HIVEP3: variants seen among roughly 807,000 people sequenced by gnomAD.
The protein encoded by HIVEP3 is HIVEP zinc finger 3.
A neutral mutation model predicts 152.8 loss-of-function variants in HIVEP3; 49 were observed. That is an observed-to-expected ratio of 0.32 (90% CI 0.26 to 0.41). The LOEUF (loss-of-function observed/expected upper bound fraction) is 0.41, where lower values mean the gene tolerates loss of function less well. Ranked by LOEUF, HIVEP3 falls within the 10% of genes least tolerant of loss-of-function variation. The probability of loss-of-function intolerance (pLI) is 1.00; values close to 1 mark genes in which losing one functional copy is unlikely to be tolerated. For missense variants in HIVEP3, 2,790 were observed against 3,103.3 expected (o/e 0.90, Z 2.40); for synonymous variants, 1,269 against 1,289.0 (o/e 0.98, Z 0.33).
intron 1 of HIVEP3, among the ~76,000 whole-genome samples, chr1:41,805,908 C>T (rs547898852): frequency 1.6e-4 from 24 of 152,246 alleles, no homozygotes; most frequent in Non-Finnish European, 2.5e-4. Flanking sequence ...CACGTGCACG[C>T]ACACACATCT....
Position 41,584,239 on chromosome 1 carries a change from G to A in HIVEP3, c.559C>T (p.Gln187Ter). ...EEAHKKERKP[Q>*]KPGKYICQYC... is the part of the protein sequence containing the mutation. ...TGGCAGATGTACTTGCCTGGCTTCT[G>A]GGGCTTCCTCTCCTTCTTGTGTGCC... The change falls in exon 4 of 9, where the codon CAG (glutamine) becomes TAG (stop). Residue 187 changes from glutamine (Q) to a stop codon, truncating the protein, a stop_gained. Transcript: ENST00000372583. LOFTEE classifies it high-confidence loss of function. The surrounding 1 kb of genome is among the most constrained non-coding windows in gnomAD (Gnocchi z 5.2). The A allele has an allele frequency of 6.2e-7, 1 of 1,613,880 alleles. No homozygotes were observed. Among genetic ancestry groups the A allele is most frequent in the Non-Finnish European group, 8.5e-7 (1 of 1,179,842 alleles).
At chr1:41,816,117 T>C (rs1651250478) in intron 1 of HIVEP3, among the ~76,000 whole-genome samples, 1 of 152,176 alleles carries the variant, frequency 6.6e-6, no homozygotes, top group Non-Finnish European at 1.5e-5. Flanking sequence ...CAGTTCAGCC[T>C]GACTCCACAA....
At position 41,513,227 on chromosome 1, in the gene HIVEP3, G is replaced by C. The variant is rs2149047141; in HGVS notation, c.5994C>G (p.Ser1998=). The C allele has an allele frequency of 6.2e-7, 1 of 1,613,760 alleles. No homozygotes were observed. The highest frequency in any genetic ancestry group is 1.7e-4 in the Middle Eastern group (1 of 6,060). The change falls in exon 8 of 9, where the codon TCC becomes TCG. Residue 1998 remains serine (S), a synonymous_variant. Coordinates refer to ENST00000372583, the MANE Select transcript of HIVEP3 (RefSeq NM_024503.5). The part of the protein sequence containing the change: ...TKNDSSPQRC[S]PAREPQASAP... ...CTGAGGCCTGTGGTTCTCGGGCCGG[G>C]GAGCATCGCTGGGGAGATGAGTCGT...
chr1:41,689,837 G>A (rs1358800801), intron 2 of HIVEP3, among the ~76,000 whole-genome samples: 1 of 152,224 alleles, frequency 6.6e-6, no homozygotes, highest in African/African-American at 2.4e-5. Flanking sequence ...ACTAGGGTGG[G>A]GGTGCTTCAG....
chr1:41,686,735 C>T (rs1359392223), intron 2 of HIVEP3, among the ~76,000 whole-genome samples: 1 of 152,130 alleles, frequency 6.6e-6, no homozygotes, highest in Admixed American at 6.5e-5. Flanking sequence ...GACCCCAGAA[C>T]CCAGGAAGCA....
At chr1:41,954,582 T>A (rs1645129431) in intron 1 of HIVEP3, among the ~76,000 whole-genome samples, 2 of 152,240 alleles carry the variant, frequency 1.3e-5, no homozygotes, top group Non-Finnish European at 2.9e-5. Flanking sequence ...CAAGGCCCTA[T>A]GTCTCTGAGC....
chr1:41,933,359 C>G (rs1645004543), intron 1 of HIVEP3, among the ~76,000 whole-genome samples: 1 of 152,080 alleles, frequency 6.6e-6, no homozygotes, highest in Non-Finnish European at 1.5e-5. Flanking sequence ...TAGGTACGTA[C>G]ATGTTTAGCA....
At chr1:41,555,727 G>T (rs1472681672) in intron 5 of HIVEP3, among the ~76,000 whole-genome samples, 1 of 152,126 alleles carries the variant, frequency 6.6e-6, no homozygotes, top group Non-Finnish European at 1.5e-5. Flanking sequence ...CGACTGTCCA[G>T]CTCCAGAAAA....
intron 1 of HIVEP3, among the ~76,000 whole-genome samples, chr1:42,025,388 T>C (rs1356288113): frequency 6.6e-6 from 1 of 152,250 alleles, no homozygotes; most frequent in Admixed American, 6.5e-5. Context: ...AAGCCACTTT[T>C]AATTGTTACC....
At chr1:41,968,139 T>C (rs76712045) in intron 1 of HIVEP3, among the ~76,000 whole-genome samples, 2,419 of 152,198 alleles carry the variant, frequency 0.016, 49 homozygotes, top group African/African-American at 0.051. Context: ...GATGGTACCA[T>C]TTCTTCTGAA....
intron 1 of HIVEP3, among the ~76,000 whole-genome samples, chr1:41,979,333 G>A (rs1013068377): frequency 7.9e-5 from 12 of 152,150 alleles, no homozygotes; most frequent in Non-Finnish European, 1.3e-4. Flanking sequence ...CTGGCCCGGT[G>A]TGAGACATTC....
At chr1:41,774,653 T>G (rs181938445) in intron 1 of HIVEP3, among the ~76,000 whole-genome samples, 1 of 152,046 alleles carries the variant, frequency 6.6e-6, no homozygotes, top group Non-Finnish European at 1.5e-5. Context: ...ATAAAAGGAG[T>G]TGCTCAATTC....
At chr1:41,540,349 G>A (rs1443097197) in intron 5 of HIVEP3, among the ~76,000 whole-genome samples, 1 of 152,238 alleles carries the variant, frequency 6.6e-6, no homozygotes, top group Non-Finnish European at 1.5e-5. Flanking sequence ...GCACCATGAA[G>A]GCCGTGAAAC....
At chr1:41,835,683 A>G (rs1643101265) in intron 1 of HIVEP3, among the ~76,000 whole-genome samples, 1 of 152,214 alleles carries the variant, frequency 6.6e-6, no homozygotes. Context: ...ATGGATGTAG[A>G]TCACGCTAAT....
intron 1 of HIVEP3, among the ~76,000 whole-genome samples, chr1:41,754,660 C>T (rs989676193): frequency 6.6e-6 from 1 of 152,124 alleles, no homozygotes; most frequent in African/African-American, 2.4e-5. Flanking sequence ...ACAAACCTGC[C>T]TGCTCACTCT....
chr1:41,733,195 T>G (rs1426950941), intron 1 of HIVEP3, among the ~76,000 whole-genome samples: 1 of 151,688 alleles, frequency 6.6e-6, no homozygotes, highest in Non-Finnish European at 1.5e-5. Flanking sequence ...ACACTCCATA[T>G]GGGGCTGTGC....
rs762918379 is a variant in HIVEP3 at position 41,513,096 on chromosome 1, C to T, written c.6125G>A (p.Gly2042Glu). The T allele has an allele frequency of 3.1e-6, 5 of 1,613,782 alleles. No individual in the cohort carries two copies. The East Asian group carries it at 8.9e-5, about 29-fold the overall frequency. Reference sequence around the variant, plus strand: ...ATGTGCTCGAGGGGCCAGTTCTCTTCCCAGGGGGCAGAGGGTGAGAGGAGA... The same window carrying T: ...ATGTGCTCGAGGGGCCAGTTCTCTTTCCAGGGGGCAGAGGGTGAGAGGAGA... ...QLSPLTLCPLGRELAPRAHVL... is the reference protein window; with the variant it reads ...QLSPLTLCPLERELAPRAHVL... Residue 2042 changes from glycine to glutamate, a missense_variant, in exon 8 of 9, where the codon GGA (glycine) becomes GAA (glutamate). By Grantham distance (98) the Gly-to-Glu change is moderately conservative. Around this residue, in one of 9 missense-constraint regions of HIVEP3, gnomAD observed 816 missense variants for 806.5 expected, o/e 1.01. Coordinates refer to ENST00000372583, the MANE Select transcript of HIVEP3 (RefSeq NM_024503.5).
chr1:41,826,728 C>T (rs568877617), intron 1 of HIVEP3, among the ~76,000 whole-genome samples: 5 of 152,256 alleles, frequency 3.3e-5, no homozygotes, highest in South Asian at 2.1e-4. Flanking sequence ...ATGCTGGAGA[C>T]GTGGTTGTGA....
intron 1 of HIVEP3, among the ~76,000 whole-genome samples, chr1:41,755,665 C>T (rs1647275815): frequency 6.7e-6 from 1 of 149,674 alleles, no homozygotes. Flanking sequence ...GGGCTAAAGA[C>T]ATGAATGAAC....
Sources: gnomAD v4.1 joint callset for allele counts (sites outside exome capture counted in the v4.1 genomes callset) on GRCh38, gnomAD v4.1.1 for gene constraint, gnomAD v4.1.1 regional missense constraint, Gnocchi (gnomAD v3.1) non-coding constraint, MANE v1.5 for transcripts, NCBI Gene and HGNC (gene_info 2026-07-23, HGNC 2026-07-21) for gene names.